MAPK8: variants seen among roughly 807,000 people sequenced by gnomAD.
MAPK8 encodes JUN N-terminal kinase.
A neutral mutation model predicts 52.9 loss-of-function variants in MAPK8; 13 were observed. The ratio of observed to expected loss-of-function variants is 0.25; its 90% CI spans 0.16 to 0.39. The LOEUF (loss-of-function observed/expected upper bound fraction) is 0.39. Among genes scored for constraint, MAPK8 ranks in the 10% least tolerant of loss-of-function variants. The pLI, the probability that MAPK8 is intolerant of heterozygous loss-of-function variation, is 1.00. For synonymous variants in MAPK8, 191 were observed against 169.8 expected (o/e 1.12, Z -0.97); for missense variants, 300 against 519.2 (o/e 0.58, Z 4.10).
intron 1 of MAPK8, among the ~76,000 whole-genome samples, chr10:48,331,662 G>A (rs1468876030): frequency 5.3e-5 from 8 of 152,194 alleles, no homozygotes; most frequent in South Asian, 4.1e-4. Context: ...GTGGTGAACC[G>A]TGAACTCAAG....
chr10:48,380,852 A>G (rs2040960593), intron 1 of MAPK8, among the ~76,000 whole-genome samples: 2 of 152,246 alleles, frequency 1.3e-5, no homozygotes, highest in Non-Finnish European at 2.9e-5. Context: ...CAAAGTGATA[A>G]GTCAGTGATT....
At chr10:48,320,201 A>ACTG (rs1415946118) in intron 1 of MAPK8, among the ~76,000 whole-genome samples, 2 of 113,756 alleles carry the variant, frequency 1.8e-5, no homozygotes, top group Non-Finnish European at 3.3e-5. Context: ...GGTGTGAGCC[A>ACTG]CTGCTCGGCC....
intron 1 of MAPK8, among the ~76,000 whole-genome samples, chr10:48,313,443 A>G (rs1004972114): frequency 2.0e-5 from 3 of 152,120 alleles, no homozygotes; most frequent in African/African-American, 7.2e-5. Context: ...TCAAAAAACA[A>G]CAACAACAAC....
rs1283369482 is a variant in MAPK8, at chr10:48,386,587, T to C, written c.-49-15025T>C. Among the ~76,000 whole-genome samples, 6 of 152,296 alleles carry C rather than the reference T, an allele frequency of 3.9e-5. No individual in the cohort carries two copies. The East Asian group carries it at 1.2e-3, about 29-fold the overall frequency. On this transcript the variant is annotated intron_variant, in intron 1 of 11. Coordinates refer to ENST00000374189, the MANE Select transcript of MAPK8 (RefSeq NM_001323329.2). ...TTTTGAGTACAAAGTAATTTTAGAA[T>C]CTTGGATACCAGCTCACTGAAGTGT...
intron 1 of MAPK8, chr10:48,307,221 G>C (rs1209910117): frequency 6.6e-6 from 1 of 152,332 alleles, no homozygotes; most frequent in Non-Finnish European, 1.5e-5. Context: ...CGCCCTGGCT[G>C]CCTCCGGGGC....
intron 1 of MAPK8, among the ~76,000 whole-genome samples, chr10:48,397,155 C>CT (rs200191115): frequency 0.013 from 1,924 of 144,188 alleles, 29 homozygotes; most frequent in African/African-American, 0.039. Context: ...TTTGTATAAC[C>CT]TTTTTTTTTT....
chr10:48,423,700 A>G (rs999638941), intron 6 of MAPK8, among the ~76,000 whole-genome samples: 4 of 152,136 alleles, frequency 2.6e-5, no homozygotes, highest in Admixed American at 2.0e-4. Flanking sequence ...GAACTTCTAA[A>G]TAGTATAGTA....
intron 1 of MAPK8, among the ~76,000 whole-genome samples, chr10:48,363,118 A>G (rs1227558602): frequency 1.3e-5 from 2 of 151,994 alleles, no homozygotes; most frequent in Admixed American, 1.3e-4. Flanking sequence ...CCTGAACATA[A>G]TGCACTGCAG....
At chr10:48,417,120 A>G (rs1269071461) in intron 5 of MAPK8, among the ~76,000 whole-genome samples, 1 of 152,204 alleles carries the variant, frequency 6.6e-6, no homozygotes, top group East Asian at 1.9e-4. Flanking sequence ...GTTTTCTGAC[A>G]TTGCCAAATA....
chr10:48,337,132 G>A (rs113862021), intron 1 of MAPK8, among the ~76,000 whole-genome samples: 8,836 of 152,094 alleles, frequency 0.058, 613 homozygotes, highest in Admixed American at 0.21. Flanking sequence ...TAATACACAC[G>A]TACAGAATAC....
intron 1 of MAPK8, among the ~76,000 whole-genome samples, chr10:48,339,269 A>G (rs1340733244): frequency 1.3e-5 from 2 of 152,320 alleles, no homozygotes; most frequent in Non-Finnish European, 1.5e-5. Flanking sequence ...TAGAGAACCC[A>G]GAAATAAAGC....
intron 1 of MAPK8, among the ~76,000 whole-genome samples, chr10:48,378,910 A>C (rs1430326121): frequency 6.6e-6 from 1 of 152,146 alleles, no homozygotes; most frequent in Non-Finnish European, 1.5e-5. Context: ...TTACAGGCAC[A>C]AGCCACTACA....
At chr10:48,340,348 A>G (rs759720705) in intron 1 of MAPK8, among the ~76,000 whole-genome samples, 2 of 152,208 alleles carry the variant, frequency 1.3e-5, no homozygotes, top group African/African-American at 2.4e-5. Context: ...AACAGTGGGT[A>G]CACATGGACG....
At chr10:48,424,653 T>G (rs747665180) in intron 7 of MAPK8, 20 of 1,025,744 alleles carry the variant, frequency 1.9e-5, no homozygotes, top group Non-Finnish European at 2.7e-5. Flanking sequence ...TTCAGTTTGG[T>G]CAGGTATAAT....
At chr10:48,335,592 G>T (rs372096140) in intron 1 of MAPK8, among the ~76,000 whole-genome samples, 1 of 152,106 alleles carries the variant, frequency 6.6e-6, no homozygotes, top group Non-Finnish European at 1.5e-5. Flanking sequence ...GAAGTGATAG[G>T]CACACTTTGT....
Position 48,436,318 on chromosome 10 carries a change from T to C in MAPK8, c.*1289T>C, listed in dbSNP as rs1163187439. 1 of 152,216 alleles carries C rather than the reference T, an allele frequency of 6.6e-6. No individual in the cohort carries two copies. Among genetic ancestry groups the C allele is most frequent in the East Asian group, 1.9e-4 (1 of 5,204 alleles). The allele number at this position is 152,216 out of a possible 1,614,324, so 9.4% of individuals were successfully genotyped here. The stretch of plus-strand genomic sequence containing the variant: ...ACGCAATGTGGATGTCGAGTAGTGT[T>C]AAGAATGGTGCTGCTCCTGACAAGT... On this transcript the variant is annotated 3_prime_UTR_variant, in exon 12 of 12. Coordinates refer to ENST00000374189, the MANE Select transcript of MAPK8 (RefSeq NM_001323329.2).
At chr10:48,399,241 A>C (rs115279132) in intron 1 of MAPK8, among the ~76,000 whole-genome samples, 1 of 152,208 alleles carries the variant, frequency 6.6e-6, no homozygotes, top group African/African-American at 2.4e-5. Context: ...TAGCTGCAAC[A>C]CTGTGAGGAG....
chr10:48,412,341 C>A (rs2042803155), intron 5 of MAPK8, among the ~76,000 whole-genome samples: 1 of 152,014 alleles, frequency 6.6e-6, no homozygotes, highest in Admixed American at 6.5e-5. Flanking sequence ...TTATGTTTAT[C>A]CATCTTAGTA....
At chr10:48,349,794 G>A (rs1486322113) in intron 1 of MAPK8, among the ~76,000 whole-genome samples, 2 of 152,112 alleles carry the variant, frequency 1.3e-5, no homozygotes, top group African/African-American at 4.8e-5. Context: ...AGGAGATACA[G>A]ACACGGAAAA....
Sources: allele counts gnomAD v4.1 joint callset (sites outside exome capture counted in the v4.1 genomes callset), GRCh38; gene constraint gnomAD v4.1.1; transcripts MANE v1.5; gene names NCBI Gene and HGNC (gene_info 2026-07-23, HGNC 2026-07-21).